Variants in NYAP2 observed in about 807,000 individuals in gnomAD.
The protein encoded by NYAP2 is neuronal tyrosine-phosphorylated phosphoinositide-3-kinase adaptor 2, also known as neuronal tyrosine-phosphorylated phosphoinositide-3-kinase adapter 2.
In NYAP2, 23 loss-of-function variants were observed where a neutral mutation model predicts 50.4. The observed-to-expected ratio is 0.46, with a 90% CI of 0.33 to 0.65. The LOEUF (loss-of-function observed/expected upper bound fraction) is 0.65. Among genes scored for constraint, NYAP2 ranks in the 30% least tolerant of loss-of-function variants. The pLI, the probability that NYAP2 is intolerant of heterozygous loss-of-function variation, is 0.02. For synonymous variants in NYAP2, 394 were observed against 365.2 expected, an observed-to-expected ratio of 1.08 and a Z score of -0.90; for missense variants, 885 against 861.0, an observed-to-expected ratio of 1.03 and a Z score of -0.35.
In NYAP2 at chr2:225,582,549, G is replaced by A. The variant is rs1425272563; in HGVS notation, c.1132G>A (p.Ala378Thr). 9 of 1,583,752 alleles carry A rather than the reference G, an allele frequency of 5.7e-6. No individual in the cohort carries two copies. Among genetic ancestry groups the A allele is most frequent in the Non-Finnish European group, 7.7e-6 (9 of 1,164,962 alleles). ...GTCTTACATGAAACAGCCAGCCGGG[G>A]CGTCGCCCTCCACGCTGCCGTCCCA... The change falls in exon 5 of 7, where the codon GCG becomes ACG. Residue 378 changes from alanine to threonine, a missense_variant. By Grantham distance (58) the Ala-to-Thr change is moderately conservative. Transcript: ENST00000636099. The surrounding 1 kb of genome is among the most constrained non-coding windows in gnomAD (Gnocchi z 7.0).
the NYAP2 span, among the ~76,000 whole-genome samples, chr2:225,694,532 C>T: frequency 2.0e-5 from 3 of 151,742 alleles, no homozygotes; most frequent in African/African-American, 7.3e-5. Context: ...ACAGTAGCAA[C>T]ATTGGAGTTC....
chr2:225,543,089 C>T (rs911951726), intron 4 of NYAP2, among the ~76,000 whole-genome samples: 2 of 151,894 alleles, frequency 1.3e-5, no homozygotes, highest in African/African-American at 4.8e-5. Context: ...ATTTGAATTT[C>T]TGCATTGTTG....
intron 3 of NYAP2, among the ~76,000 whole-genome samples, chr2:225,485,823 G>T (rs1244472316): frequency 6.6e-6 from 1 of 152,150 alleles, no homozygotes; most frequent in Non-Finnish European, 1.5e-5. Flanking sequence ...TTAGGTCAAG[G>T]TTTCTCGGCG....
At chr2:225,550,988 G>A (rs1248294242) in intron 4 of NYAP2, among the ~76,000 whole-genome samples, 2 of 152,166 alleles carry the variant, frequency 1.3e-5, no homozygotes, top group African/African-American at 2.4e-5. Context: ...AGAAGACTCA[G>A]GCTATTATCC....
chr2:225,404,161 T>C (rs1383852823), intron 2 of NYAP2, among the ~76,000 whole-genome samples: 2 of 151,984 alleles, frequency 1.3e-5, no homozygotes, highest in African/African-American at 4.8e-5. Flanking sequence ...ACAATGAGAA[T>C]AGCCCACATA....
intron 3 of NYAP2, among the ~76,000 whole-genome samples, chr2:225,438,351 T>C (rs1160871787): frequency 6.6e-6 from 1 of 152,012 alleles, no homozygotes; most frequent in Non-Finnish European, 1.5e-5. Flanking sequence ...AACAAAAGAG[T>C]CTGGCAAGTG....
chr2:225,643,941 T>C (rs1398257851), intron 6 of NYAP2, among the ~76,000 whole-genome samples: 2 of 146,154 alleles, frequency 1.4e-5, no homozygotes, highest in Admixed American at 6.9e-5. Context: ...TGATTTATAG[T>C]CCTTTGGGTA....
At chr2:225,522,087 G>A (rs1423034714) in intron 4 of NYAP2, among the ~76,000 whole-genome samples, 2 of 151,768 alleles carry the variant, frequency 1.3e-5, no homozygotes, top group Non-Finnish European at 2.9e-5. Flanking sequence ...ATTCTCTGAT[G>A]GTAGTTTGTA....
the NYAP2 span, among the ~76,000 whole-genome samples, chr2:225,683,165 A>T: frequency 2.0e-5 from 3 of 152,178 alleles, no homozygotes; most frequent in Non-Finnish European, 4.4e-5. Flanking sequence ...AGGCGTAGGG[A>T]CAAGCCTGAA....
intron 4 of NYAP2, among the ~76,000 whole-genome samples, chr2:225,570,388 C>T (rs1187828988): frequency 6.6e-6 from 1 of 152,136 alleles, no homozygotes; most frequent in African/African-American, 2.4e-5. Flanking sequence ...CATTCTCACA[C>T]CACTATAAAG....
intron 4 of NYAP2, among the ~76,000 whole-genome samples, chr2:225,560,031 A>C (rs1272117061): frequency 1.3e-5 from 2 of 152,076 alleles, no homozygotes; most frequent in African/African-American, 4.8e-5. Flanking sequence ...GTAAAGCCTC[A>C]TTATCACAAG....
At chr2:225,485,781 C>T (rs944449659) in intron 3 of NYAP2, among the ~76,000 whole-genome samples, 1 of 152,152 alleles carries the variant, frequency 6.6e-6, no homozygotes, top group Non-Finnish European at 1.5e-5. Flanking sequence ...AGGAGAGAAG[C>T]ATGCCATTAC....
At position 225,547,002 on chromosome 2, in the gene NYAP2, AG is replaced by A. The variant is rs753946308; in HGVS notation, c.523+33335del. On this transcript the variant is annotated intron_variant, in intron 4 of 6. Transcript: ENST00000636099. ...GGTCATATGGGAACTGGGGCCTAGAAGGGGGTCTCACAACTTTGCCTGGTGC... is the reference window on the plus strand; with the variant it reads ...GGTCATATGGGAACTGGGGCCTAGAAGGGGTCTCACAACTTTGCCTGGTGC... 3.9e-5 allele frequency among the ~76,000 whole-genome samples: 6 copies of A among 152,244 alleles called. No individual in the cohort carries two copies. In the East Asian group the frequency reaches 1.2e-3, roughly 29 times the overall value.
the NYAP2 span, among the ~76,000 whole-genome samples, chr2:225,692,822 A>T: frequency 6.6e-6 from 1 of 152,016 alleles, no homozygotes; most frequent in Admixed American, 6.6e-5. Context: ...AGATACAGTT[A>T]AAATTAAGAT....
exon 4 of NYAP2, chr2:225,513,516 T>A: frequency 6.2e-7 from 1 of 1,613,724 alleles, no homozygotes; most frequent in Non-Finnish European, 8.5e-7. Flanking sequence ...GTCCCTGCAC[T>A]CGGTTGGGGG....
At chr2:225,516,279 G>T (rs895193668) in intron 4 of NYAP2, among the ~76,000 whole-genome samples, 1 of 152,172 alleles carries the variant, frequency 6.6e-6, no homozygotes, top group African/African-American at 2.4e-5. Flanking sequence ...TTGTCAAGCA[G>T]AATGCAGCAG....
At chr2:225,660,716 T>C in the NYAP2 span, among the ~76,000 whole-genome samples, 1 of 152,298 alleles carries the variant, frequency 6.6e-6, no homozygotes, top group East Asian at 1.9e-4. Context: ...AAAACTGTTT[T>C]ATGACACAGA....
intron 3 of NYAP2, among the ~76,000 whole-genome samples, chr2:225,503,493 G>T (rs1452660581): frequency 6.6e-6 from 1 of 152,090 alleles, no homozygotes; most frequent in Non-Finnish European, 1.5e-5. Flanking sequence ...ATGTTCCATA[G>T]AATTTATTCT....
At chr2:225,436,630 CAT>C in intron 3 of NYAP2, among the ~76,000 whole-genome samples, 1 of 151,384 alleles carries the variant, frequency 6.6e-6, no homozygotes, top group East Asian at 2.0e-4. Flanking sequence ...AAGACTTCAA[CAT>C]ATTAATTTTG....
Sources: gnomAD v4.1 joint callset for allele counts (sites outside exome capture counted in the v4.1 genomes callset) on GRCh38, gnomAD v4.1.1 for gene constraint, Gnocchi (gnomAD v3.1) non-coding constraint, MANE v1.5 for transcripts, NCBI Gene and HGNC (gene_info 2026-07-23, HGNC 2026-07-21) for gene names.